The following PTPRD variants were observed in gnomAD, a reference collection of about 807,000 sequenced individuals.
PTPRD encodes receptor-type tyrosine-protein phosphatase delta.
In PTPRD, 34 loss-of-function variants were observed where a neutral mutation model predicts 214.5. The ratio of observed to expected loss-of-function variants is 0.16; its 90% CI spans 0.12 to 0.21. The LOEUF (loss-of-function observed/expected upper bound fraction) is 0.21. PTPRD is among the 10% of genes least tolerant of loss of function. PTPRD has a pLI of 1.00. For missense variants in PTPRD, 2,545 were observed against 2,398.7 expected (o/e 1.06, Z -1.27); for synonymous variants, 1,128 against 845.7 (o/e 1.33, Z -5.79).
At chr9:9,453,385 A>C (rs1194897722) in intron 8 of PTPRD, among the ~76,000 whole-genome samples, 1 of 151,706 alleles carries the variant, frequency 6.6e-6, no homozygotes, top group Non-Finnish European at 1.5e-5. Context: ...TCCAAAAGGC[A>C]ACATAATATC....
intron 31 of PTPRD, among the ~76,000 whole-genome samples, chr9:8,469,216 A>T (rs370507869): frequency 1.3e-5 from 2 of 152,202 alleles, no homozygotes; most frequent in African/African-American, 4.8e-5. Flanking sequence ...AAAGTCATAT[A>T]GCCCTATACT....
intron 3 of PTPRD, among the ~76,000 whole-genome samples, chr9:10,059,033 T>A (rs2097708930): frequency 6.6e-6 from 1 of 152,148 alleles, no homozygotes. Flanking sequence ...AACATGTATG[T>A]ACATGCTAAG....
intron 10 of PTPRD, among the ~76,000 whole-genome samples, chr9:9,047,557 C>A (rs1203458101): frequency 6.6e-6 from 1 of 152,030 alleles, no homozygotes; most frequent in Non-Finnish European, 1.5e-5. Flanking sequence ...GACACATAGA[C>A]CAATGCAACA....
chr9:9,387,728 G>A (rs905199763), intron 9 of PTPRD, among the ~76,000 whole-genome samples: 6 of 152,108 alleles, frequency 3.9e-5, no homozygotes, highest in African/African-American at 1.4e-4. Context: ...CAGGGCCTAT[G>A]GGATGGGGGC....
chr9:8,828,980 A>G (rs2097229293), intron 11 of PTPRD, among the ~76,000 whole-genome samples: 1 of 152,168 alleles, frequency 6.6e-6, no homozygotes, highest in African/African-American at 2.4e-5. Flanking sequence ...TCTTGGAAAT[A>G]CTCTATCACA....
At chr9:9,775,976 A>AAAAG (rs1267237194) in intron 5 of PTPRD, among the ~76,000 whole-genome samples, 2 of 151,212 alleles carry the variant, frequency 1.3e-5, no homozygotes, top group African/African-American at 2.4e-5. Flanking sequence ...AAAAAAAAAA[A>AAAAG]AAAGCAAATC....
rs184682969 is a variant in PTPRD, at chr9:9,804,236, G to A, written c.-367-37385C>T. 8.7e-4 allele frequency among the ~76,000 whole-genome samples: 133 copies of A among 152,138 alleles called. 1 individual carries two copies. Among genetic ancestry groups the A allele is most frequent in the South Asian group, 6.6e-3 (32 of 4,826 alleles). The stretch of plus-strand genomic sequence containing the variant: ...AGCTGAAAGAAGCTTTGATTCTGAA[G>A]TAAGACAAGATAATTATATAATCAT... On this transcript the variant is annotated intron_variant, in intron 5 of 45. Coordinates refer to ENST00000381196, the MANE Select transcript of PTPRD (RefSeq NM_002839.4).
chr9:8,815,170 G>A (rs2096895762), intron 11 of PTPRD, among the ~76,000 whole-genome samples: 2 of 151,522 alleles, frequency 1.3e-5, no homozygotes, highest in South Asian at 4.2e-4. Flanking sequence ...AGAGAAATGT[G>A]GAAAGAAGAT....
chr9:9,984,927 C>G (rs1162555838), intron 4 of PTPRD, among the ~76,000 whole-genome samples: 1 of 152,128 alleles, frequency 6.6e-6, no homozygotes, highest in Non-Finnish European at 1.5e-5. Flanking sequence ...TGCCTTCTTC[C>G]TGCAATGTGC....
At chr9:8,760,413 A>T (rs1014185311) in intron 11 of PTPRD, among the ~76,000 whole-genome samples, 1 of 152,104 alleles carries the variant, frequency 6.6e-6, no homozygotes, top group African/African-American at 2.4e-5. Context: ...ATTTTAAACA[A>T]TTCTTTGTTA....
chr9:10,159,441 G>C (rs2099113745), intron 3 of PTPRD, among the ~76,000 whole-genome samples: 1 of 151,856 alleles, frequency 6.6e-6, no homozygotes, highest in African/African-American at 2.4e-5. Flanking sequence ...ACTAATCTTG[G>C]AAGCACTTTA....
At chr9:9,244,802 A>G (rs2099972218) in intron 9 of PTPRD, among the ~76,000 whole-genome samples, 2 of 152,166 alleles carry the variant, frequency 1.3e-5, no homozygotes, top group South Asian at 4.1e-4. Context: ...TCATTAAACT[A>G]AAGAGCTTCT....
intron 5 of PTPRD, among the ~76,000 whole-genome samples, chr9:9,784,526 A>G (rs189615821): frequency 3.3e-5 from 5 of 152,174 alleles, no homozygotes; most frequent in Non-Finnish European, 5.9e-5. Context: ...ATTTCCTTCC[A>G]AAGCCATGGT....
chr9:9,415,490 A>C (rs1297206534), intron 8 of PTPRD, among the ~76,000 whole-genome samples: 1 of 152,140 alleles, frequency 6.6e-6, no homozygotes, highest in Non-Finnish European at 1.5e-5. Flanking sequence ...AAAATAGATA[A>C]ATAAAATAAA....
At chr9:8,663,241 T>A (rs1174153155) in intron 12 of PTPRD, among the ~76,000 whole-genome samples, 2 of 122,282 alleles carry the variant, frequency 1.6e-5, no homozygotes, top group East Asian at 2.9e-4. Context: ...AAGAATCTTG[T>A]TTTTTTTCTT....
chr9:8,548,853 C>T (rs1014390587), intron 14 of PTPRD, among the ~76,000 whole-genome samples: 2 of 151,652 alleles, frequency 1.3e-5, no homozygotes, highest in Admixed American at 6.6e-5. Flanking sequence ...CACCACCATG[C>T]CCAGCTAATT....
chr9:10,163,077 G>C (rs576525714), intron 3 of PTPRD, among the ~76,000 whole-genome samples: 1 of 150,614 alleles, frequency 6.6e-6, no homozygotes, highest in South Asian at 2.1e-4. Flanking sequence ...ATAAGAAAAG[G>C]AATCATGAAA....
chr9:10,261,284 T>A (rs1324278898), intron 3 of PTPRD, among the ~76,000 whole-genome samples: 1 of 151,776 alleles, frequency 6.6e-6, no homozygotes, highest in Non-Finnish European at 1.5e-5. Flanking sequence ...ACATGCTTTT[T>A]CAAATGGAAA....
chr9:9,628,583 A>G (rs1200895236), intron 7 of PTPRD, among the ~76,000 whole-genome samples: 5 of 152,172 alleles, frequency 3.3e-5, no homozygotes, highest in Non-Finnish European at 7.3e-5. Flanking sequence ...TATTCCAAAG[A>G]TATTTCAGAT....
Sources: allele counts gnomAD v4.1 joint callset (sites outside exome capture counted in the v4.1 genomes callset), GRCh38; gene constraint gnomAD v4.1.1; transcripts MANE v1.5; gene names NCBI Gene and HGNC (gene_info 2026-07-23, HGNC 2026-07-21).